The following ANKRD45 variants were observed in gnomAD, a reference collection of about 807,000 sequenced individuals.
The protein encoded by ANKRD45 is ankyrin repeat domain 45.
In ANKRD45, 21 loss-of-function variants were observed where a neutral mutation model predicts 28.1. The ratio of observed to expected loss-of-function variants is 0.75; its 90% CI spans 0.53 to 1.08. ANKRD45 has a LOEUF of 1.08. ANKRD45 is among the 50% of genes least tolerant of loss of function. ANKRD45 has a pLI of 0.00. For synonymous variants in ANKRD45, 86 were observed against 103.9 expected (o/e 0.83, Z 1.05); for missense variants, 261 against 308.7 (o/e 0.85, Z 1.16).
chr1:173,685,531 C>T, the ANKRD45 span, among the ~76,000 whole-genome samples: 1 of 152,206 alleles, frequency 6.6e-6, no homozygotes, highest in Non-Finnish European at 1.5e-5. Flanking sequence ...ATAACAATTG[C>T]TTTTGTTTAA....
intron 5 of ANKRD45, 131 bp from the exon 6 acceptor site, chr1:173,610,346 C>G: frequency 1.2e-6 from 1 of 803,472 alleles, no homozygotes; most frequent in Non-Finnish European, 2.0e-6. Context: ...TAATTCAACC[C>G]TAGTGTTGTT....
intron 5 of ANKRD45, among the ~76,000 whole-genome samples, chr1:173,619,028 A>G (rs1451385655): frequency 6.6e-6 from 1 of 152,226 alleles, no homozygotes; most frequent in Non-Finnish European, 1.5e-5. Context: ...TTTCATATCC[A>G]GCCAAACTAA....
chr1:173,698,299 C>T, the ANKRD45 span, among the ~76,000 whole-genome samples: 4 of 152,186 alleles, frequency 2.6e-5, no homozygotes, highest in Non-Finnish European at 5.9e-5. Context: ...AGGACTTGAA[C>T]TCAGCTCTGC....
At chr1:173,652,090 C>T (rs1228841126) in intron 2 of ANKRD45, among the ~76,000 whole-genome samples, 6 of 152,070 alleles carry the variant, frequency 3.9e-5, no homozygotes, top group African/African-American at 1.4e-4. Context: ...CCTTTATTTC[C>T]TTCTCCTGCC....
intron 3 of ANKRD45, 124 bp from the exon 4 acceptor site, chr1:173,627,283 T>C: frequency 1.5e-6 from 1 of 655,482 alleles, no homozygotes; most frequent in Non-Finnish European, 2.7e-6. Flanking sequence ...AAACTATCCA[T>C]ACAAAAAAGC....
intron 5 of ANKRD45, among the ~76,000 whole-genome samples, chr1:173,613,786 A>G (rs1667338377): frequency 6.6e-6 from 1 of 152,214 alleles, no homozygotes; most frequent in South Asian, 2.1e-4. Context: ...CAGCTCATTG[A>G]GAATGGGCCA....
At chr1:173,665,825 A>G (rs1476292554) in intron 1 of ANKRD45, among the ~76,000 whole-genome samples, 1 of 152,018 alleles carries the variant, frequency 6.6e-6, no homozygotes, top group Non-Finnish European at 1.5e-5. Context: ...CTTGGGCAAC[A>G]CAGCGAAACC....
At chr1:173,691,587 C>T in the ANKRD45 span, among the ~76,000 whole-genome samples, 2 of 152,056 alleles carry the variant, frequency 1.3e-5, no homozygotes, top group African/African-American at 4.8e-5. Context: ...AGATCGAGAC[C>T]ATCCTGGCTA....
At chr1:173,638,872 G>C (rs371180931) in intron 3 of ANKRD45, among the ~76,000 whole-genome samples, 42 of 152,280 alleles carry the variant, frequency 2.8e-4, no homozygotes, top group African/African-American at 9.1e-4. Flanking sequence ...GTCTAGATTT[G>C]ACTGACTACC....
At chr1:173,669,389 T>A (rs1025682306) in intron 1 of ANKRD45, 2 of 434,894 alleles carry the variant, frequency 4.6e-6, no homozygotes, top group African/African-American at 5.4e-5. Flanking sequence ...GCCAACTGAT[T>A]TTTTTCTTCA....
At position 173,635,863 on chromosome 1, in the gene ANKRD45, G is replaced by A. The variant is rs1218841693; in HGVS notation, c.497-8704C>T. The A allele has an allele frequency of 4.1e-6, 6 of 1,474,250 alleles. No individual in the cohort carries two copies. The African/African-American group carries it at 5.6e-5, about 14-fold the overall frequency. The allele number at this position is 1,474,250 out of a possible 1,614,324, so 91.3% of individuals were successfully genotyped here. Reference sequence around the variant, plus strand: ...AAAAAAAGGTGAATTCGTGATACAAGTAGTAATAGTTACAAAATCTCTAAG... The same window carrying A: ...AAAAAAAGGTGAATTCGTGATACAAATAGTAATAGTTACAAAATCTCTAAG... On this transcript the variant is annotated intron_variant, in intron 3 of 5. Transcript: ENST00000333279.
the ANKRD45 span, among the ~76,000 whole-genome samples, chr1:173,681,263 G>A: frequency 1.1e-3 from 173 of 152,178 alleles, 1 homozygote; most frequent in African/African-American, 4.1e-3. Flanking sequence ...GTGTATGTGT[G>A]TTTTTTATAT....
chr1:173,681,296 C>A, the ANKRD45 span, among the ~76,000 whole-genome samples: 1 of 151,998 alleles, frequency 6.6e-6, no homozygotes, highest in African/African-American at 2.4e-5. Flanking sequence ...CTAGAAAAAC[C>A]ATTATAATTT....
At chr1:173,712,307 G>C in the ANKRD45 span, among the ~76,000 whole-genome samples, 1 of 152,178 alleles carries the variant, frequency 6.6e-6, no homozygotes, top group Non-Finnish European at 1.5e-5. Context: ...AGACAACACA[G>C]CACTGTAGCT....
chr1:173,714,015 T>C, the ANKRD45 span, among the ~76,000 whole-genome samples: 1 of 152,250 alleles, frequency 6.6e-6, no homozygotes. Context: ...AAAGGCCATG[T>C]ATTTTCCACT....
chr1:173,670,994 C>A (rs2102407450), upstream of ANKRD45, among the ~76,000 whole-genome samples: 1 of 152,276 alleles, frequency 6.6e-6, no homozygotes, highest in South Asian at 2.1e-4. Flanking sequence ...GAATTTATCA[C>A]CTAGTGTGCA....
chr1:173,622,087 A>G (rs1441039668), intron 5 of ANKRD45, among the ~76,000 whole-genome samples: 1 of 152,166 alleles, frequency 6.6e-6, no homozygotes, highest in Non-Finnish European at 1.5e-5. Flanking sequence ...ATACATAAAA[A>G]TACAGCAGTC....
At chr1:173,613,246 C>T (rs1667265768) in intron 5 of ANKRD45, among the ~76,000 whole-genome samples, 1 of 151,958 alleles carries the variant, frequency 6.6e-6, no homozygotes, top group African/African-American at 2.4e-5. Flanking sequence ...GGCCGCGACC[C>T]CGTCTGGGAG....
intron 3 of ANKRD45, chr1:173,636,889 C>T: frequency 1.3e-6 from 2 of 1,535,832 alleles, no homozygotes; most frequent in South Asian, 1.2e-5. Flanking sequence ...TGATCAACAA[C>T]ATTGACCAAA....
Sources: allele counts gnomAD v4.1 joint callset (sites outside exome capture counted in the v4.1 genomes callset), GRCh38; gene constraint gnomAD v4.1.1; transcripts MANE v1.5; gene names NCBI Gene and HGNC (gene_info 2026-07-23, HGNC 2026-07-21).